The following RANBP17 variants were observed in gnomAD, a reference collection of about 807,000 sequenced individuals.
The protein encoded by RANBP17 is ran-binding protein 17.
In RANBP17, 158 loss-of-function variants were observed where a neutral mutation model predicts 141.2. That is an observed-to-expected ratio of 1.12 (90% confidence interval 0.98 to 1.28). RANBP17 has a LOEUF of 1.28. Ranked by LOEUF, RANBP17 falls within the 50% of genes most tolerant of loss-of-function variation. The probability of loss-of-function intolerance (pLI) is 0.00; values close to 1 mark genes in which losing one functional copy is unlikely to be tolerated. For synonymous variants in RANBP17, 430 were observed against 450.0 expected (o/e 0.96, Z 0.56); for missense variants, 1,438 against 1,290.7 (o/e 1.11, Z -1.75).
intron 21 of RANBP17, among the ~76,000 whole-genome samples, chr5:171,219,330 C>T (rs989555673): frequency 1.3e-5 from 2 of 152,094 alleles, no homozygotes; most frequent in African/African-American, 4.8e-5. Flanking sequence ...AACATTTTTT[C>T]CTTCGTTTCA....
rs36165620 is a variant in RANBP17, at chr5:171,059,001, A to C, written c.1710+90624A>C. On this transcript the variant is annotated intron_variant, in intron 14 of 27. Transcript: ENST00000523189. ...GTTCATGTCCTTCACCCACTTTTTG[A>C]TGGAGTTGTTTTTTTTTTTTCTTGT... is the stretch of plus-strand genomic sequence containing the variant. Among the ~76,000 whole-genome samples the C allele has an allele frequency of 2.7e-5, 4 of 150,540 alleles. No individual in the cohort carries two copies. In the East Asian group the frequency reaches 7.8e-4, roughly 29 times the overall value.
chr5:171,225,964 C>T (rs958170935), intron 22 of RANBP17, among the ~76,000 whole-genome samples: 4 of 152,180 alleles, frequency 2.6e-5, no homozygotes, highest in African/African-American at 9.7e-5. Flanking sequence ...TAGCACAAAA[C>T]AATTTCCTGT....
At chr5:171,002,450 G>C (rs1779281013) in intron 14 of RANBP17, among the ~76,000 whole-genome samples, 1 of 152,120 alleles carries the variant, frequency 6.6e-6, no homozygotes, top group African/African-American at 2.4e-5. Flanking sequence ...GCTTCCTTTG[G>C]AAGTAAAGCG....
intron 14 of RANBP17, among the ~76,000 whole-genome samples, chr5:171,094,316 A>G (rs1246845179): frequency 6.6e-6 from 1 of 152,194 alleles, no homozygotes; most frequent in African/African-American, 2.4e-5. Flanking sequence ...AGATGAGCTC[A>G]ACTCTAAGAG....
intron 14 of RANBP17, among the ~76,000 whole-genome samples, chr5:171,135,101 C>A (rs1757178776): frequency 6.6e-6 from 1 of 150,916 alleles, no homozygotes; most frequent in African/African-American, 2.4e-5. Context: ...AAATCTGTCT[C>A]TACTAAAAAT....
chr5:171,130,582 A>G (rs921392368), intron 14 of RANBP17, among the ~76,000 whole-genome samples: 3 of 151,824 alleles, frequency 2.0e-5, no homozygotes, highest in African/African-American at 7.3e-5. Context: ...GACTACAGGC[A>G]TGCGCCACCA....
At chr5:171,250,254 C>A (rs1215722903) in intron 24 of RANBP17, among the ~76,000 whole-genome samples, 4 of 152,166 alleles carry the variant, frequency 2.6e-5, no homozygotes, top group Non-Finnish European at 4.4e-5. Flanking sequence ...ACAAGAAATG[C>A]TCAAGGGAGT....
rs536068564 is a variant in RANBP17 at position 171,192,157 on chromosome 5, A to T, written c.2039-7513A>T. ...GGGCTTGATCAGAAATAGCTGATAG[A>T]TAGGAAGAATACATCAATGTATCAA... On this transcript the variant is annotated intron_variant, in intron 18 of 27. Coordinates refer to ENST00000523189, the MANE Select transcript of RANBP17 (RefSeq NM_022897.5). Among the ~76,000 whole-genome samples, 16 of 152,320 alleles carry T rather than the reference A, an allele frequency of 1.1e-4. No individual in the cohort carries two copies. The East Asian group carries it at 3.1e-3, about 29-fold the overall frequency.
rs1039691448 is a variant in RANBP17 at position 171,014,964 on chromosome 5, A to G, written c.1710+46587A>G. On this transcript the variant is annotated intron_variant, in intron 14 of 27. Transcript: ENST00000523189. ...GGTTGATAGTTTTTTTCCCCTTTCAATACATTAAAGAAGTTGTGTCATTGT... is the reference window on the plus strand; with the variant it reads ...GGTTGATAGTTTTTTTCCCCTTTCAGTACATTAAAGAAGTTGTGTCATTGT... Among the ~76,000 whole-genome samples the G allele has an allele frequency of 3.4e-4, 51 of 152,058 alleles. 1 individual carries two copies. Among genetic ancestry groups the G allele is most frequent in the Admixed American group, 3.2e-3 (49 of 15,248 alleles).
At chr5:170,988,513 A>G (rs1287251735) in intron 14 of RANBP17, among the ~76,000 whole-genome samples, 1 of 151,658 alleles carries the variant, frequency 6.6e-6, no homozygotes. Context: ...AAGAGGTTTT[A>G]GTTACTAAAT....
At chr5:171,271,596 T>TA (rs1350019696) in intron 25 of RANBP17, 7 of 209,184 alleles carry the variant, frequency 3.3e-5, no homozygotes, top group South Asian at 1.9e-4. Flanking sequence ...GATCCTTAAA[T>TA]AAAAAATATG....
chr5:170,893,910 C>T (rs779899430), intron 4 of RANBP17, among the ~76,000 whole-genome samples: 13 of 151,994 alleles, frequency 8.6e-5, no homozygotes, highest in Non-Finnish European at 1.5e-4. Context: ...TTTTGACTTT[C>T]GGAGATTTTA....
At chr5:170,982,676 A>G (rs1327553056) in intron 14 of RANBP17, among the ~76,000 whole-genome samples, 1 of 152,196 alleles carries the variant, frequency 6.6e-6, no homozygotes, top group Non-Finnish European at 1.5e-5. Context: ...AGAAAAAGAA[A>G]GAATACTAGA....
At chr5:171,167,252 G>C (rs1367463545) in intron 14 of RANBP17, among the ~76,000 whole-genome samples, 4 of 152,090 alleles carry the variant, frequency 2.6e-5, no homozygotes, top group Non-Finnish European at 4.4e-5. Context: ...CATTGAATTA[G>C]AAAGCACATT....
intron 14 of RANBP17, among the ~76,000 whole-genome samples, chr5:171,126,457 G>A (rs1033149922): frequency 6.6e-6 from 1 of 151,980 alleles, no homozygotes; most frequent in Non-Finnish European, 1.5e-5. Context: ...TTGAAGGACA[G>A]AAATAATTCA....
At chr5:171,038,809 G>A (rs973671494) in intron 14 of RANBP17, among the ~76,000 whole-genome samples, 1 of 152,148 alleles carries the variant, frequency 6.6e-6, no homozygotes, top group African/African-American at 2.4e-5. Flanking sequence ...CAGGAATGAA[G>A]CTTACTTGTT....
chr5:170,966,627 C>T (rs1229418698), intron 13 of RANBP17, among the ~76,000 whole-genome samples: 2 of 151,834 alleles, frequency 1.3e-5, no homozygotes, highest in East Asian at 3.9e-4. Flanking sequence ...CCTTTGAAAA[C>T]TGGCACAAGA....
chr5:170,918,160 A>C (rs1772125308), intron 9 of RANBP17: 1 of 152,072 alleles, frequency 6.6e-6, no homozygotes, highest in African/African-American at 2.4e-5. Context: ...TATTTGCTCA[A>C]CTTTATTCCT....
At chr5:171,050,649 A>G (rs1782896389) in intron 14 of RANBP17, among the ~76,000 whole-genome samples, 1 of 152,178 alleles carries the variant, frequency 6.6e-6, no homozygotes, top group African/African-American at 2.4e-5. Flanking sequence ...AGATCGTGCC[A>G]CTGCACTTCA....
Sources: allele counts gnomAD v4.1 joint callset (sites outside exome capture counted in the v4.1 genomes callset), GRCh38; gene constraint gnomAD v4.1.1; transcripts MANE v1.5; gene names NCBI Gene and HGNC (gene_info 2026-07-23, HGNC 2026-07-21).